Variants in BRIP1 observed in about 807,000 individuals in gnomAD.
BRIP1 encodes BRCA1 interacting DNA helicase 1, also known as Fanconi anemia group J protein.
BRIP1 carries 88 observed loss-of-function variants against 119.7 expected under a neutral mutation model. That is an observed-to-expected ratio of 0.74 (90% CI 0.62 to 0.88). The LOEUF (loss-of-function observed/expected upper bound fraction) is 0.88. Among genes scored for constraint, BRIP1 ranks in the 40% least tolerant of loss-of-function variants. The pLI is 0.00. For missense variants in BRIP1, 1,259 were observed against 1,455.4 expected (o/e 0.87, Z 2.20); for synonymous variants, 443 against 496.5 (o/e 0.89, Z 1.43).
intron 5 of BRIP1, among the ~76,000 whole-genome samples, chr17:61,847,833 T>C (rs1433790110): frequency 6.6e-6 from 1 of 152,200 alleles, no homozygotes; most frequent in East Asian, 1.9e-4. Flanking sequence ...GAAAAGCATT[T>C]CTATTGATAA....
chr17:61,728,892 G>C (rs2076805905), intron 16 of BRIP1, among the ~76,000 whole-genome samples: 1 of 152,052 alleles, frequency 6.6e-6, no homozygotes, highest in Admixed American at 6.6e-5. Context: ...GTATTGAGAG[G>C]CATGGCACAC....
At position 61,798,195 on chromosome 17, in the gene BRIP1, C is replaced by T. The variant is rs2145289052; in HGVS notation, c.1340+905G>A. On this transcript the variant is annotated intron_variant, in intron 9 of 19. Transcript: ENST00000259008. The surrounding 1 kb of genome is among the most constrained non-coding windows in gnomAD (Gnocchi z 5.5). ...TATTGCATATCTATCTAATGGAATT[C>T]TAGATATCTATTTTTTTTTTAAACT... 6.6e-6 allele frequency among the ~76,000 whole-genome samples: 1 copy of T among 151,856 alleles called. No individual in the cohort carries two copies. The highest frequency in any genetic ancestry group is 6.6e-5 in the Admixed American group (1 of 15,220).
rs1269349444 is a variant in BRIP1 at position 61,709,362 on chromosome 17, G to A, written c.2492+6589C>T. On this transcript the variant is annotated intron_variant, in intron 17 of 19. Coordinates refer to ENST00000259008, the MANE Select transcript of BRIP1 (RefSeq NM_032043.3). This position sits in a 1 kb window ranked among gnomAD's most constrained non-coding sequence, Gnocchi z 5.0. The stretch of plus-strand genomic sequence containing the variant: ...TCTTTATTATCATAGGATTTTGAGG[G>A]GGTGAAGAGTAACATAAATGTTCAA... Among the ~76,000 whole-genome samples, 2 of 151,680 alleles carry A rather than the reference G, an allele frequency of 1.3e-5. No homozygotes were observed. Among genetic ancestry groups the A allele is most frequent in the Non-Finnish European group, 2.9e-5 (2 of 67,880 alleles).
At chr17:61,721,288 T>TA (rs398031263) in intron 16 of BRIP1, among the ~76,000 whole-genome samples, 42 of 146,476 alleles carry the variant, frequency 2.9e-4, no homozygotes, top group Non-Finnish European at 6.3e-4. Flanking sequence ...TTTTTTTTTT[T>TA]AACACGGAGT....
intron 6 of BRIP1, among the ~76,000 whole-genome samples, chr17:61,835,365 C>T (rs1182510060): frequency 6.6e-6 from 1 of 151,832 alleles, no homozygotes; most frequent in Non-Finnish European, 1.5e-5. Flanking sequence ...AAAATAAATA[C>T]TGGTTTGGGG....
At chr17:61,772,156 ATTATATATATAT>A (rs2077458149) in intron 14 of BRIP1, among the ~76,000 whole-genome samples, 1 of 87,786 alleles carries the variant, frequency 1.1e-5, no homozygotes, top group Non-Finnish European at 2.1e-5. Flanking sequence ...CAAATGTGAG[ATTATATATATAT>A]ATATATATAT....
chr17:61,702,163 T>G (rs192412217), intron 17 of BRIP1, among the ~76,000 whole-genome samples: 1 of 152,238 alleles, frequency 6.6e-6, no homozygotes, highest in Non-Finnish European at 1.5e-5. Flanking sequence ...GTCTTTGTTC[T>G]GCCATTTTTG....
Position 61,745,301 on chromosome 17 carries a change from T to C in BRIP1, c.2098-710A>G, listed in dbSNP as rs192404667. Among the ~76,000 whole-genome samples, 29 of 152,284 alleles carry C rather than the reference T, an allele frequency of 1.9e-4. No individual in the cohort carries two copies. The highest frequency in any genetic ancestry group is 1.0e-3 in the Admixed American group (16 of 15,310). On this transcript the variant is annotated intron_variant, in intron 14 of 19. Coordinates refer to ENST00000259008, the MANE Select transcript of BRIP1 (RefSeq NM_032043.3). This position sits in a 1 kb window ranked among gnomAD's most constrained non-coding sequence, Gnocchi z 4.4. Reference sequence around the variant, plus strand: ...ATCACATATTTCAACAGTTATGCCATGGTAGATTAAAAGTCAATAATATAA... The same window carrying C: ...ATCACATATTTCAACAGTTATGCCACGGTAGATTAAAAGTCAATAATATAA...
At position 61,786,918 on chromosome 17, in the gene BRIP1, A is replaced by T. The variant is rs1366545032; in HGVS notation, c.1474-2494T>A. ...ATTTTATATATAATGTAAATATAAA[A>T]ATATATATTTATATATAATATATTT... On this transcript the variant is annotated intron_variant, in intron 10 of 19. Coordinates refer to ENST00000259008, the MANE Select transcript of BRIP1 (RefSeq NM_032043.3). 2.6e-4 allele frequency among the ~76,000 whole-genome samples: 11 copies of T among 42,174 alleles called. No homozygotes were observed. The South Asian group carries it at 2.9e-3, about 11-fold the overall frequency. 27.7% of individuals were successfully genotyped at this position (42,174 alleles called of 152,430 possible). A position where few individuals can be genotyped will look rare whatever the true frequency, so the allele number is the denominator to read the frequency against.
intron 6 of BRIP1, among the ~76,000 whole-genome samples, chr17:61,840,948 A>G (rs188633007): frequency 5.1e-4 from 77 of 152,278 alleles, no homozygotes; most frequent in Non-Finnish European, 4.4e-5. Context: ...TTCAACAAAG[A>G]TGCCAAGAAC....
chr17:61,808,604 T>C lies in BRIP1; in HGVS notation c.781A>G (p.Arg261Gly), dbSNP rs2078111313. The C allele has an allele frequency of 1.2e-6, 2 of 1,614,028 alleles. No individual in the cohort carries two copies. The highest frequency in any genetic ancestry group is 1.7e-6 in the Non-Finnish European group (2 of 1,179,930). ...GAATATGCCGTCCTCCGGAGCTCTC[T>C]AGTAATCTGAGCAATCTGCTTGTGT... is the stretch of plus-strand genomic sequence containing the variant. ...RTHKQIAQIT[R>G]ELRRTAYSGV... Residue 261 changes from arginine to glycine, a missense_variant, in exon 7 of 20, where the codon AGA (arginine) becomes GGA (glycine). Coordinates refer to ENST00000259008, the MANE Select transcript of BRIP1 (RefSeq NM_032043.3). This position sits in a 1 kb window ranked among gnomAD's most constrained non-coding sequence, Gnocchi z 4.1.
chr17:61,779,724 G>A (rs1455755579), intron 13 of BRIP1, among the ~76,000 whole-genome samples: 1 of 152,136 alleles, frequency 6.6e-6, no homozygotes, highest in Non-Finnish European at 1.5e-5. Context: ...GGGAGGCTGA[G>A]GCAAGTGCAT....
Position 61,776,116 on chromosome 17 carries a change from A to T in BRIP1, c.2097+285T>A. 1 of 389,808 alleles carries T rather than the reference A, an allele frequency of 2.6e-6. No homozygotes were observed. Among genetic ancestry groups the T allele is most frequent in the Non-Finnish European group, 4.8e-6 (1 of 207,648 alleles). 24.1% of individuals were successfully genotyped at this position (389,808 alleles called of 1,614,324 possible). A position where few individuals can be genotyped will look rare whatever the true frequency, so the allele number is the denominator to read the frequency against. On this transcript the variant is annotated intron_variant, in intron 14 of 19. Coordinates refer to ENST00000259008, the MANE Select transcript of BRIP1 (RefSeq NM_032043.3). The surrounding 1 kb of genome is among the most constrained non-coding windows in gnomAD (Gnocchi z 5.0). ...AGGCTGGTCTCGAACTCCTGGGCTC[A>T]AGTGATCCTCCCAGCTCAGCCTCCC...
At chr17:61,829,058 T>A (rs1343229355) in intron 6 of BRIP1, among the ~76,000 whole-genome samples, 3 of 151,248 alleles carry the variant, frequency 2.0e-5, no homozygotes, top group Non-Finnish European at 4.4e-5. Flanking sequence ...AAAAGGGGAA[T>A]AAAGAAAAGT....
intron 17 of BRIP1, among the ~76,000 whole-genome samples, chr17:61,697,748 TAAG>T (rs1444177217): frequency 3.3e-5 from 5 of 152,060 alleles, no homozygotes; most frequent in African/African-American, 1.2e-4. Flanking sequence ...CCTAATTCCT[TAAG>T]GAGGAAGGTT....
In BRIP1 at chr17:61,699,390, TAGAC is replaced by T. The variant is rs2061577851; in HGVS notation, c.2493-5882_2493-5879del. On this transcript the variant is annotated intron_variant, in intron 17 of 19. Transcript: ENST00000259008. This position sits in a 1 kb window ranked among gnomAD's most constrained non-coding sequence, Gnocchi z 4.8. ...TTCCATTACTTTCCATTTTCTCCAA[TAGAC>T]ACTTTCCAGTATATAATTTTAATTC... 6.6e-6 allele frequency among the ~76,000 whole-genome samples: 1 copy of T among 152,196 alleles called. No individual in the cohort carries two copies. Among genetic ancestry groups the T allele is most frequent in the South Asian group, 2.1e-4 (1 of 4,834 alleles).
chr17:61,806,585 TAAC>T lies in BRIP1; in HGVS notation c.918+1879_918+1881del, dbSNP rs1294655907. 3.3e-5 allele frequency among the ~76,000 whole-genome samples: 5 copies of T among 152,244 alleles called. No individual in the cohort carries two copies. Among genetic ancestry groups the T allele is most frequent in the Non-Finnish European group, 7.3e-5 (5 of 68,034 alleles). On this transcript the variant is annotated intron_variant, in intron 7 of 19. Coordinates refer to ENST00000259008, the MANE Select transcript of BRIP1 (RefSeq NM_032043.3). The surrounding 1 kb of genome is among the most constrained non-coding windows in gnomAD (Gnocchi z 4.9). ...TTATGAGTAAAGATCAATAAAAACGTAACCAGCACTGTAGGATTCTAGGTTACA... is the reference window on the plus strand; with the variant it reads ...TTATGAGTAAAGATCAATAAAAACGTCAGCACTGTAGGATTCTAGGTTACA...
intron 6 of BRIP1, among the ~76,000 whole-genome samples, chr17:61,837,384 T>C (rs1283272955): frequency 6.6e-6 from 1 of 152,176 alleles, no homozygotes; most frequent in Non-Finnish European, 1.5e-5. Context: ...CGCCCCAGTG[T>C]TAACACTTTG....
intron 17 of BRIP1, among the ~76,000 whole-genome samples, chr17:61,702,275 CTTTTA>C (rs1490535341): frequency 2.0e-5 from 3 of 152,000 alleles, no homozygotes; most frequent in Admixed American, 2.0e-4. Context: ...GTTGTTTTAA[CTTTTA>C]TTTTAGTTTC....
Sources: gnomAD v4.1 joint callset for allele counts (sites outside exome capture counted in the v4.1 genomes callset) on GRCh38, gnomAD v4.1.1 for gene constraint, Gnocchi (gnomAD v3.1) non-coding constraint, MANE v1.5 for transcripts, NCBI Gene and HGNC (gene_info 2026-07-23, HGNC 2026-07-21) for gene names.